KLRC1: variants seen among roughly 807,000 people sequenced by gnomAD.
KLRC1 encodes the protein NKG2-A/NKG2-B type II integral membrane protein.
In KLRC1, 22 loss-of-function variants were observed where a neutral mutation model predicts 25.9. The ratio of observed to expected loss-of-function variants is 0.85; its 90% CI spans 0.61 to 1.21. The LOEUF (loss-of-function observed/expected upper bound fraction) is 1.21, where lower values mean the gene tolerates loss of function less well. KLRC1 is among the 50% of genes most tolerant of loss of function. The pLI is 0.00. For missense variants in KLRC1, 240 were observed against 272.2 expected (o/e 0.88, Z 0.83); for synonymous variants, 77 against 93.1 (o/e 0.83, Z 0.99).
At chr12:10,453,509 G>A, upstream of KLRC1, 2 of 300,660 alleles carry the variant, frequency 6.7e-6, 1 homozygote, top group Non-Finnish European at 9.8e-6. Flanking sequence ...AAAAGTACAA[G>A]GTTGACTTTG....
At chr12:10,445,423 G>C (rs1255606553), downstream of KLRC1, among the ~76,000 whole-genome samples, 1 of 151,950 alleles carries the variant, frequency 6.6e-6, no homozygotes, top group Non-Finnish European at 1.5e-5. Context: ...AAACTGCTTC[G>C]ATATGAGAAA....
At chr12:10,451,361 A>T in intron 1 of KLRC1, 174 bp from the exon 2 acceptor site, 1 of 430,814 alleles carries the variant, frequency 2.3e-6, no homozygotes, top group Non-Finnish European at 3.9e-6. Flanking sequence ...TATTTGTTTT[A>T]AAAAAAGATT....
chr12:10,446,839 G>A (rs547693921), intron 6 of KLRC1, among the ~76,000 whole-genome samples, 177 bp from the exon 7 acceptor site: 21 of 152,282 alleles, frequency 1.4e-4, no homozygotes, highest in Middle Eastern at 6.8e-3. Context: ...CTTCATCCAC[G>A]AGGGATATGT....
In KLRC1 at chr12:10,446,377, G is replaced by T. The variant is rs1279441318; in HGVS notation, c.*174C>A. ...TGAGCAAAATGAGCCCGACACAAAT[G>T]CTAGGATGTCTGTACTTTAGTAATT... is the stretch of plus-strand genomic sequence containing the variant. On this transcript the variant is annotated 3_prime_UTR_variant, in exon 7 of 7. Coordinates refer to ENST00000359151, the MANE Select transcript of KLRC1 (RefSeq NM_002259.5). 2.2e-6 allele frequency: 3 copies of T among 1,385,590 alleles called. No homozygotes were observed. Among genetic ancestry groups the T allele is most frequent in the Non-Finnish European group, 1.9e-6 (2 of 1,065,818 alleles). The allele number at this position is 1,385,590 out of a possible 1,614,324, so 85.8% of individuals were successfully genotyped here. A position where few individuals can be genotyped will look rare whatever the true frequency, so the allele number is the denominator to read the frequency against.
chr12:10,447,762 T>C (rs1343909135), intron 5 of KLRC1, 130 bp from the exon 6 acceptor site: 6 of 726,594 alleles, frequency 8.3e-6, no homozygotes, highest in Non-Finnish European at 1.3e-5. Flanking sequence ...TTGATATAAA[T>C]GAACCCGTCA....
At position 10,450,969 on chromosome 12, in the gene KLRC1, C is replaced by T; in HGVS notation, c.187+1G>A. On this transcript the variant is annotated splice_donor_variant, in intron 2 of 6. Coordinates refer to ENST00000359151, the MANE Select transcript of KLRC1 (RefSeq NM_002259.5). LOFTEE classifies it high-confidence loss of function. ...TATTGAGGATCTTTTAAATGCTTTA[C>T]CTTTGCAGTGATAGGTTTTGTCATT... 6.2e-7 allele frequency: 1 copy of T among 1,604,916 alleles called. No homozygotes were observed. Among genetic ancestry groups the T allele is most frequent in the Non-Finnish European group, 8.5e-7 (1 of 1,174,432 alleles).
At chr12:10,449,520 A>G (rs1864076119) in intron 4 of KLRC1, 132 bp from the exon 5 acceptor site, 3 of 1,454,888 alleles carry the variant, frequency 2.1e-6, no homozygotes, top group Non-Finnish European at 1.8e-6. Flanking sequence ...TGGTAAATAT[A>G]TAGTGTCAAA....
At chr12:10,447,479 G>T in intron 6 of KLRC1, 53 bp downstream of exon 6, 4 of 1,366,064 alleles carry the variant, frequency 2.9e-6, no homozygotes, top group South Asian at 1.3e-5. Context: ...TTATTCTTCT[G>T]AATTTATCCT....
At position 10,450,545 on chromosome 12, in the gene KLRC1, C is replaced by G; in HGVS notation, c.222G>C (p.Gly74=). Residue 74 remains glycine, a synonymous_variant, in exon 3 of 7, where the codon GGG becomes GGC. Coordinates refer to ENST00000359151, the MANE Select transcript of KLRC1 (RefSeq NM_002259.5). ...LPSAPEKLIV[G]ILGIICLILM... is the part of the protein sequence containing the mutation. ...AGATAAGACAGATAATTCCCAGGATCCCAACAATGAGCTTCTCTGGAGCTG... is the reference window on the plus strand; with the variant it reads ...AGATAAGACAGATAATTCCCAGGATGCCAACAATGAGCTTCTCTGGAGCTG... 1.2e-6 allele frequency: 2 copies of G among 1,611,562 alleles called. No homozygotes were observed. Among genetic ancestry groups the G allele is most frequent in the Non-Finnish European group, 1.7e-6 (2 of 1,177,888 alleles).
In KLRC1 at chr12:10,453,182, G is replaced by A. The variant is rs1475289061; in HGVS notation, c.-32+16C>T. ...TGAGGTAGGCTAGTAGAGAGTTGGA[G>A]AGTAGCAATACATACCTTCTGTCCC... On this transcript the variant is annotated intron_variant, in intron 1 of 6. Coordinates refer to ENST00000359151, the MANE Select transcript of KLRC1 (RefSeq NM_002259.5). 1.4e-5 allele frequency: 14 copies of A among 979,248 alleles called. No individual in the cohort carries two copies. Among genetic ancestry groups the A allele is most frequent in the Admixed American group, 6.2e-5 (1 of 16,256 alleles). 60.7% of individuals were successfully genotyped at this position (979,248 alleles called of 1,614,324 possible). A position where few individuals can be genotyped will look rare whatever the true frequency, so the allele number is the denominator to read the frequency against.
chr12:10,446,809 C>T lies in KLRC1; in HGVS notation c.591-147G>A, dbSNP rs1037101664. 4.7e-6 allele frequency: 5 copies of T among 1,068,880 alleles called. No individual in the cohort carries two copies. The African/African-American group carries it at 7.9e-5, about 17-fold the overall frequency. The allele number at this position is 1,068,880 out of a possible 1,614,324, so 66.2% of individuals were successfully genotyped here. ...TATTAGTAAGAGTCATTATTCTGAA[C>T]ACTCAACAGAGTAGTCCCCCTTCAT... is the stretch of plus-strand genomic sequence containing the variant. On this transcript the variant is annotated intron_variant, in intron 6 of 6. Transcript: ENST00000359151.
chr12:10,450,223 C>T, intron 3 of KLRC1: 1 of 431,694 alleles, frequency 2.3e-6, no homozygotes, highest in Admixed American at 4.2e-5. Context: ...ATTTCTATTT[C>T]TCAGTAAGGT....
At chr12:10,450,396 C>T (rs1864097351) in intron 3 of KLRC1, 88 bp downstream of exon 3, 1 of 729,642 alleles carries the variant, frequency 1.4e-6, no homozygotes, top group African/African-American at 1.8e-5. Flanking sequence ...ACAATGAGAA[C>T]TCTATTCCCT....
In KLRC1 at chr12:10,450,863, C is replaced by T. The variant is rs1003216908; in HGVS notation, c.187+107G>A. 2.1e-5 allele frequency: 18 copies of T among 843,606 alleles called. No homozygotes were observed. In the South Asian group the frequency reaches 2.9e-4, roughly 13 times the overall value. 52.3% of individuals were successfully genotyped at this position (843,606 alleles called of 1,614,324 possible). ...GCATATCTCAACTTGGAATTCTGAT[C>T]TTTGCAAATAGAAGATATATGAGCA... On this transcript the variant is annotated intron_variant, in intron 2 of 6. Coordinates refer to ENST00000359151, the MANE Select transcript of KLRC1 (RefSeq NM_002259.5).
chr12:10,450,455 C>A (rs768671198), intron 3 of KLRC1, 29 bp downstream of exon 3: 1 of 1,249,362 alleles, frequency 8.0e-7, no homozygotes, highest in Non-Finnish European at 1.2e-6. Flanking sequence ...CGTGAAAATT[C>A]CCCTTGTAAT....
chr12:10,449,153 A>G (rs1164468469), intron 5 of KLRC1, 84 bp downstream of exon 5: 4 of 1,542,496 alleles, frequency 2.6e-6, no homozygotes, highest in Admixed American at 1.7e-5. Context: ...AAATGTATAT[A>G]CCCACACATA....
chr12:10,453,066 A>G (rs1476223736), intron 1 of KLRC1, 132 bp downstream of exon 1: 1 of 246,544 alleles, frequency 4.1e-6, no homozygotes, highest in Non-Finnish European at 6.5e-6. Context: ...TGAGTTATTC[A>G]AATGAAGACA....
chr12:10,449,280 G>A lies in KLRC1; in HGVS notation c.446C>T (p.Ser149Leu). The A allele has an allele frequency of 1.9e-6, 3 of 1,613,786 alleles. No homozygotes were observed. The highest frequency in any genetic ancestry group is 1.7e-6 in the Non-Finnish European group (2 of 1,179,880). Residue 149 changes from serine (S) to leucine (L), a missense_variant, in exon 5 of 7, where the codon TCG (serine) becomes TTG (leucine). Physicochemically the swap from Ser to Leu is moderately radical, Grantham distance 145. Coordinates refer to ENST00000359151, the MANE Select transcript of KLRC1 (RefSeq NM_002259.5). ...TWEESLLACT[S>L]KNSSLLSIDN... ...TATAGAAAGCAGACTGGAGTTCTTCGAAGTACAGGCCAGCAAACTCTCTTC... is the reference window on the plus strand; with the variant it reads ...TATAGAAAGCAGACTGGAGTTCTTCAAAGTACAGGCCAGCAAACTCTCTTC...
intron 3 of KLRC1, 120 bp downstream of exon 3, chr12:10,450,363 CA>C: frequency 1.7e-6 from 1 of 599,268 alleles, no homozygotes; most frequent in South Asian, 2.5e-5. Context: ...AATCATTCCA[CA>C]TTTAGTCCAA....
Sources: allele counts gnomAD v4.1 joint callset (sites outside exome capture counted in the v4.1 genomes callset), GRCh38; gene constraint gnomAD v4.1.1; transcripts MANE v1.5; gene names NCBI Gene and HGNC (gene_info 2026-07-23, HGNC 2026-07-21).